The following ABCB5 variants were observed in gnomAD, a reference collection of about 807,000 sequenced individuals.
ABCB5 encodes ATP-binding cassette sub-family B member 5.
In ABCB5, 155 loss-of-function variants were observed where a neutral mutation model predicts 144.2. That is an observed-to-expected ratio of 1.08 (90% CI 0.94 to 1.23). The LOEUF (loss-of-function observed/expected upper bound fraction) is 1.23, where lower values mean the gene tolerates loss of function less well. Ranked by LOEUF, ABCB5 falls within the 50% of genes most tolerant of loss-of-function variation. ABCB5 has a pLI of 0.00. For synonymous variants in ABCB5, 610 were observed against 528.6 expected, an observed-to-expected ratio of 1.15 and a Z score of -2.11; for missense variants, 1,830 against 1,520.8, an observed-to-expected ratio of 1.20 and a Z score of -3.38.
At chr7:20,739,253 G>A in intron 24 of ABCB5, 114 bp downstream of exon 24, 1 of 1,079,196 alleles carries the variant, frequency 9.3e-7, no homozygotes, top group Non-Finnish European at 1.3e-6. Flanking sequence ...ACCATTGGGT[G>A]CTATACTCAG....
intron 14 of ABCB5, among the ~76,000 whole-genome samples, chr7:20,680,459 G>T (rs1260674973): frequency 1.3e-5 from 2 of 151,966 alleles, no homozygotes; most frequent in Non-Finnish European, 2.9e-5. Context: ...TGTAGTCCCA[G>T]CTACTCAGGA....
At chr7:20,626,756 T>C (rs1783918488) in intron 3 of ABCB5, 145 bp downstream of exon 3, 1 of 718,494 alleles carries the variant, frequency 1.4e-6, no homozygotes, top group Non-Finnish European at 2.1e-6. Flanking sequence ...TGATTTTCGA[T>C]AGAAAAAATA....
intron 14 of ABCB5, among the ~76,000 whole-genome samples, chr7:20,669,740 A>AAAAG (rs1562553151): frequency 8.1e-6 from 1 of 124,054 alleles, no homozygotes; most frequent in Non-Finnish European, 1.7e-5. Flanking sequence ...AAAAAAAAAA[A>AAAAG]AAAGAAAATA....
In ABCB5 at chr7:20,666,684, T is replaced by C. The variant is rs1372153823; in HGVS notation, c.1707+8008T>C. The C allele has an allele frequency of 2.6e-6, 4 of 1,528,544 alleles. No homozygotes were observed. The African/African-American group carries it at 5.5e-5, about 21-fold the overall frequency. The allele number at this position is 1,528,544 out of a possible 1,614,324, so 94.7% of individuals were successfully genotyped here. On this transcript the variant is annotated intron_variant, in intron 14 of 27. Transcript: ENST00000404938. Reference sequence around the variant, plus strand: ...TTGTTTGGTCAAATACCTAATTGTTTGGCTTTTAGCTTTGTGTAATCTGTG... The same window carrying C: ...TTGTTTGGTCAAATACCTAATTGTTCGGCTTTTAGCTTTGTGTAATCTGTG...
intron 20 of ABCB5, among the ~76,000 whole-genome samples, chr7:20,719,829 C>A (rs1266244950): frequency 1.3e-5 from 2 of 152,048 alleles, no homozygotes; most frequent in East Asian, 3.8e-4. Flanking sequence ...AAGGAGAAAA[C>A]TGGAAATAAC....
rs80059838 is a variant in ABCB5, at chr7:20,743,014, T to C, written c.3162T>C (p.Cys1054=). The change falls in exon 25 of 28, where the codon TGT becomes TGC. Residue 1054 remains cysteine, a synonymous_variant. Transcript: ENST00000404938. ...TAGCATTTGTGGGGAGCAGCGGCTG[T>C]GGGAAAAGCACTTCTGTTCAACTTC... The part of the protein sequence containing the change: ...KTVAFVGSSG[C]GKSTSVQLLQ... The C allele has an allele frequency of 6.2e-7, 1 of 1,614,084 alleles. No individual in the cohort carries two copies. Among genetic ancestry groups the C allele is most frequent in the East Asian group, 2.2e-5 (1 of 44,870 alleles).
intron 20 of ABCB5, among the ~76,000 whole-genome samples, chr7:20,708,005 C>T (rs936400314): frequency 1.3e-5 from 2 of 151,918 alleles, no homozygotes; most frequent in Non-Finnish European, 2.9e-5. Flanking sequence ...CGGGTTTTCA[C>T]CATGTTAGCC....
intron 26 of ABCB5, among the ~76,000 whole-genome samples, chr7:20,751,695 GT>G (rs1782935815): frequency 6.6e-6 from 1 of 152,068 alleles, no homozygotes; most frequent in Non-Finnish European, 1.5e-5. Flanking sequence ...CCAATTTTTA[GT>G]TTAAGATTGA....
intron 14 of ABCB5, among the ~76,000 whole-genome samples, chr7:20,671,366 T>G (rs1785454921): frequency 6.6e-6 from 1 of 152,206 alleles, no homozygotes; most frequent in Non-Finnish European, 1.5e-5. Flanking sequence ...ACTGTACATA[T>G]TAAAACATAT....
chr7:20,731,363 A>ATATAT (rs1258144138), intron 23 of ABCB5, among the ~76,000 whole-genome samples: 1 of 88,024 alleles, frequency 1.1e-5, no homozygotes, highest in African/African-American at 4.9e-5. Context: ...AGGAAAAAAA[A>ATATAT]AAAAAAATAT....
chr7:20,651,694 G>A (rs1784600536), intron 13 of ABCB5, 71 bp downstream of exon 13: 1 of 1,485,672 alleles, frequency 6.7e-7, no homozygotes, highest in Non-Finnish European at 9.3e-7. Context: ...ATAAGGTAAT[G>A]AAACAACAAC....
At chr7:20,735,764 A>G (rs1782361713) in intron 23 of ABCB5, among the ~76,000 whole-genome samples, 2 of 152,236 alleles carry the variant, frequency 1.3e-5, no homozygotes, top group Admixed American at 6.5e-5. Flanking sequence ...AAGGAAGACC[A>G]TGTAGGGGAA....
At position 20,742,905 on chromosome 7, in the gene ABCB5, G is replaced by A. The variant is rs781568123; in HGVS notation, c.3053G>A (p.Arg1018Gln). ...PDTCEGNLEF[R>Q]EVSFFYPCRP... ...ACATGTGAAGGGAATTTAGAGTTTC[G>A]AGAAGTCTCTTTCTTCTATCCATGT... Residue 1018 changes from arginine to glutamine, a missense_variant, in exon 25 of 28, where the codon CGA becomes CAA. Coordinates refer to ENST00000404938, the MANE Select transcript of ABCB5 (RefSeq NM_001163941.2). 1.2e-5 allele frequency: 20 copies of A among 1,614,008 alleles called. No individual in the cohort carries two copies. Among genetic ancestry groups the A allele is most frequent in the Admixed American group, 6.7e-5 (4 of 60,004 alleles).
intron 19 of ABCB5, among the ~76,000 whole-genome samples, chr7:20,701,924 T>C (rs996185710): frequency 2.6e-5 from 4 of 152,232 alleles, no homozygotes; most frequent in African/African-American, 7.2e-5. Context: ...TTTTGCTTTG[T>C]CTATAGTAAG....
At chr7:20,640,402 A>T (rs1583385538) in intron 5 of ABCB5, among the ~76,000 whole-genome samples, 1 of 152,248 alleles carries the variant, frequency 6.6e-6, no homozygotes, top group East Asian at 1.9e-4. Context: ...ATTCTTTAAC[A>T]TTGAACTCAT....
chr7:20,739,579 A>G (rs927331000), intron 24 of ABCB5, among the ~76,000 whole-genome samples: 5 of 152,118 alleles, frequency 3.3e-5, no homozygotes, highest in Non-Finnish European at 7.4e-5. Flanking sequence ...TATATTTCAT[A>G]TTTTAAAATA....
intron 7 of ABCB5, among the ~76,000 whole-genome samples, chr7:20,644,651 T>G (rs1367906882): frequency 6.6e-6 from 1 of 152,226 alleles, no homozygotes; most frequent in African/African-American, 2.4e-5. Flanking sequence ...ATTCTACCAT[T>G]GTATATACTC....
intron 19 of ABCB5, among the ~76,000 whole-genome samples, chr7:20,703,185 T>G (rs939036491): frequency 2.6e-5 from 4 of 152,244 alleles, no homozygotes; most frequent in African/African-American, 9.6e-5. Flanking sequence ...GTGCATTCCA[T>G]GTCATGTTGA....
In ABCB5 at chr7:20,711,833, TTTC is replaced by T. The variant is rs547781690; in HGVS notation, c.2421+7029_2421+7031del. On this transcript the variant is annotated intron_variant, in intron 20 of 27. Transcript: ENST00000404938. ...CTTTCTTTCTTTCTTTCTTTCTTTCTTTCTTTCTTTCTTTTCTTTCTTTCTTTC... is the reference window on the plus strand; with the variant it reads ...CTTTCTTTCTTTCTTTCTTTCTTTCTTTTCTTTCTTTTCTTTCTTTCTTTC... Among the ~76,000 whole-genome samples the T allele has an allele frequency of 2.5e-3, 144 of 56,960 alleles. 23 individuals carry two copies. The highest frequency in any genetic ancestry group is 0.022 in the African/African-American group (142 of 6,460). 37.4% of individuals were successfully genotyped at this position (56,960 alleles called of 152,430 possible).
Sources: gnomAD v4.1 joint callset for allele counts (sites outside exome capture counted in the v4.1 genomes callset) on GRCh38, gnomAD v4.1.1 for gene constraint, MANE v1.5 for transcripts, NCBI Gene and HGNC (gene_info 2026-07-23, HGNC 2026-07-21) for gene names.